SCN10A: variants seen among roughly 807,000 people sequenced by gnomAD.
The protein encoded by SCN10A is sodium channel protein type 10 subunit alpha.
A neutral mutation model predicts 170.7 loss-of-function variants in SCN10A; 162 were observed. That is an observed-to-expected ratio of 0.95 (90% CI 0.84 to 1.08). The LOEUF is 1.08. Ranked by LOEUF, SCN10A falls within the 50% of genes least tolerant of loss-of-function variation. The probability of loss-of-function intolerance (pLI) is 0.00; values close to 1 mark genes in which losing one functional copy is unlikely to be tolerated. For synonymous variants in SCN10A, 985 were observed against 904.6 expected, an observed-to-expected ratio of 1.09 and a Z score of -1.59; for missense variants, 2,527 against 2,436.9, an observed-to-expected ratio of 1.04 and a Z score of -0.78.
At chr3:38,782,755 C>A (rs2064153937) in intron 4 of SCN10A, among the ~76,000 whole-genome samples, 1 of 152,012 alleles carries the variant, frequency 6.6e-6, no homozygotes, top group Admixed American at 6.6e-5. Flanking sequence ...CAGTGTTCTG[C>A]ATTTTTTGCA....
chr3:38,735,829 CT>C (rs1275620480), intron 15 of SCN10A, among the ~76,000 whole-genome samples: 1 of 152,242 alleles, frequency 6.6e-6, no homozygotes, highest in Non-Finnish European at 1.5e-5. Context: ...CCACCTTCCT[CT>C]CTTTCTTTCC....
intron 1 of SCN10A, among the ~76,000 whole-genome samples, chr3:38,809,545 AG>A (rs1187612140): frequency 3.3e-5 from 5 of 152,286 alleles, no homozygotes; most frequent in Non-Finnish European, 7.4e-5. Flanking sequence ...TATCACAATT[AG>A]GTGCTGTGGA....
intron 3 of SCN10A, among the ~76,000 whole-genome samples, chr3:38,789,758 T>A (rs2064256504): frequency 6.6e-6 from 1 of 151,698 alleles, no homozygotes; most frequent in African/African-American, 2.4e-5. Flanking sequence ...GGCAAAGGGA[T>A]TATCAAAAGG....
rs542554745 is a variant in SCN10A, at chr3:38,752,374, G to A, written c.1600C>T (p.Arg534Trp). ...CCCCCACCCAGCAGCAGAGAGCCCCGATGGCTTTCGTGGTCTCCAGGAAAG... is the reference window on the plus strand; with the variant it reads ...CCCCCACCCAGCAGCAGAGAGCCCCAATGGCTTTCGTGGTCTCCAGGAAAG... ...GVFPGDHESH[R>W]GSLLLGGGAG... The change falls in exon 12 of 28, where the codon CGG (arginine) becomes TGG (tryptophan). Residue 534 changes from arginine to tryptophan, a missense_variant. Physicochemically the swap from Arg to Trp is moderately radical, Grantham distance 101. Transcript: ENST00000449082. 42 of 1,613,974 alleles carry A rather than the reference G, an allele frequency of 2.6e-5. No individual in the cohort carries two copies. The highest frequency in any genetic ancestry group is 1.6e-4 in the Middle Eastern group (1 of 6,062).
chr3:38,739,445 T>TC, intron 15 of SCN10A, 70 bp downstream of exon 15: 2 of 1,407,344 alleles, frequency 1.4e-6, no homozygotes, highest in Non-Finnish European at 2.0e-6. Context: ...GCTGGTGCAG[T>TC]CCCCAGAGCA....
intron 22 of SCN10A, 88 bp downstream of exon 22, chr3:38,713,870 C>A: frequency 2.6e-6 from 4 of 1,535,384 alleles, no homozygotes; most frequent in Non-Finnish European, 3.5e-6. Flanking sequence ...TCAGGTGATC[C>A]GCCCGCCTCA....
chr3:38,713,333 C>T (rs148975124), intron 22 of SCN10A, among the ~76,000 whole-genome samples: 2 of 152,140 alleles, frequency 1.3e-5, no homozygotes, highest in East Asian at 1.9e-4. Context: ...AGGAAAGACT[C>T]ATTTGTCATG....
At chr3:38,699,235 A>T (rs2063131963) in intron 27 of SCN10A, among the ~76,000 whole-genome samples, 1 of 144,216 alleles carries the variant, frequency 6.9e-6, no homozygotes. Context: ...GCTGTTTTTG[A>T]ACTTTATGTT....
intron 14 of SCN10A, among the ~76,000 whole-genome samples, chr3:38,741,384 G>T (rs939077677): frequency 1.3e-5 from 2 of 152,202 alleles, no homozygotes; most frequent in African/African-American, 4.8e-5. Flanking sequence ...CAGCCGGTCT[G>T]TCTGGGTTCA....
chr3:38,808,419 T>C (rs1196387532), intron 1 of SCN10A, among the ~76,000 whole-genome samples: 2 of 152,224 alleles, frequency 1.3e-5, no homozygotes, highest in Admixed American at 1.3e-4. Flanking sequence ...GGAGGCCATT[T>C]ATTTTGATAA....
intron 15 of SCN10A, 122 bp downstream of exon 15, chr3:38,739,393 C>A: frequency 2.3e-6 from 2 of 880,378 alleles, no homozygotes; most frequent in Non-Finnish European, 3.4e-6. Context: ...AGGAGTCAGA[C>A]CCTGCTCCCT....
intron 25 of SCN10A, among the ~76,000 whole-genome samples, chr3:38,708,939 G>C (rs996479504): frequency 6.6e-6 from 1 of 152,136 alleles, no homozygotes; most frequent in Non-Finnish European, 1.5e-5. Context: ...AAGGATAATA[G>C]GAAAATACTT....
intron 20 of SCN10A, among the ~76,000 whole-genome samples, chr3:38,720,112 G>A (rs550920542): frequency 4.6e-5 from 7 of 152,324 alleles, no homozygotes; most frequent in East Asian, 1.9e-4. Context: ...AGCTGAAGCC[G>A]GATTTCAACT....
At chr3:38,747,126 G>A (rs998424837) in intron 13 of SCN10A, among the ~76,000 whole-genome samples, 1 of 151,996 alleles carries the variant, frequency 6.6e-6, no homozygotes, top group African/African-American at 2.4e-5. Flanking sequence ...TTTAACCTAA[G>A]GTTTCCTCTC....
At chr3:38,811,309 C>T (rs1292077836) in intron 1 of SCN10A, among the ~76,000 whole-genome samples, 2 of 151,950 alleles carry the variant, frequency 1.3e-5, no homozygotes, top group Non-Finnish European at 2.9e-5. Flanking sequence ...AAAAATTAGC[C>T]AGGCATGGTG....
chr3:38,758,702 G>A (rs377023962), intron 8 of SCN10A, among the ~76,000 whole-genome samples: 15 of 152,226 alleles, frequency 9.9e-5, no homozygotes, highest in African/African-American at 1.4e-4. Context: ...GGCATGCCCC[G>A]GCAGGGTTCA....
chr3:38,738,503 C>T (rs1321264746), intron 15 of SCN10A, among the ~76,000 whole-genome samples: 7 of 152,202 alleles, frequency 4.6e-5, no homozygotes, highest in Non-Finnish European at 1.0e-4. Context: ...GTCTCGTTGC[C>T]TCCTGAACCA....
At chr3:38,768,900 TTGGTTGTTTCACA>T (rs1315994579) in intron 5 of SCN10A, among the ~76,000 whole-genome samples, 1 of 152,188 alleles carries the variant, frequency 6.6e-6, no homozygotes, top group East Asian at 1.9e-4. Context: ...ATTCTTAGGT[TTGGTTGTTTCACA>T]TGATTCCAAA....
At chr3:38,814,326 T>A (rs1166889997) in intron 1 of SCN10A, among the ~76,000 whole-genome samples, 1 of 152,114 alleles carries the variant, frequency 6.6e-6, no homozygotes, top group Non-Finnish European at 1.5e-5. Context: ...GCTCACAGTA[T>A]CACTTTGTAT....
Sources: gnomAD v4.1 joint callset for allele counts (sites outside exome capture counted in the v4.1 genomes callset) on GRCh38, gnomAD v4.1.1 for gene constraint, MANE v1.5 for transcripts, NCBI Gene and HGNC (gene_info 2026-07-23, HGNC 2026-07-21) for gene names.